CEP104: variants seen among roughly 807,000 people sequenced by gnomAD.
CEP104 encodes the protein centrosomal protein 104, also known as centrosomal protein of 104 kDa.
A neutral mutation model predicts 113.3 loss-of-function variants in CEP104; 84 were observed. That is an observed-to-expected ratio of 0.74 (90% CI 0.62 to 0.89). The LOEUF is 0.89. CEP104 is among the 40% of genes least tolerant of loss of function. The pLI is 0.00. For missense variants in CEP104, 1,053 were observed against 1,156.6 expected (o/e 0.91, Z 1.30); for synonymous variants, 378 against 421.7 (o/e 0.90, Z 1.27).
intron 9 of CEP104, 89 bp downstream of exon 9, chr1:3,837,203 C>G: frequency 9.2e-7 from 1 of 1,086,954 alleles, no homozygotes; most frequent in South Asian, 1.5e-5. Context: ...ACTCATGCAC[C>G]CCATGCATGG....
intron 20 of CEP104, among the ~76,000 whole-genome samples, chr1:3,820,429 G>A (rs965268397): frequency 1.3e-5 from 2 of 152,260 alleles, no homozygotes; most frequent in African/African-American, 2.4e-5. Flanking sequence ...GGGTAGAAAA[G>A]GGGCAGGATG....
intron 12 of CEP104, 122 bp from the exon 13 acceptor site, chr1:3,831,344 G>C (rs1178329835): frequency 1.3e-6 from 1 of 788,214 alleles, no homozygotes; most frequent in Non-Finnish European, 2.1e-6. Context: ...GATTGATAGT[G>C]ACAAGGAGCA....
intron 6 of CEP104, chr1:3,843,143 C>T: frequency 1.5e-6 from 1 of 661,792 alleles, no homozygotes; most frequent in South Asian, 1.6e-5. Context: ...GGCAGCCCTT[C>T]CCTTCTTTCC....
intron 12 of CEP104, among the ~76,000 whole-genome samples, chr1:3,832,913 C>T (rs1056484937): frequency 1.4e-4 from 21 of 151,868 alleles, no homozygotes; most frequent in Non-Finnish European, 2.2e-4. Context: ...ACTCCTGGGC[C>T]CAAATGATCT....
At chr1:3,821,361 CA>C in intron 20 of CEP104, among the ~76,000 whole-genome samples, 1 of 152,308 alleles carries the variant, frequency 6.6e-6, no homozygotes, top group East Asian at 1.9e-4. Context: ...ACACTACAGA[CA>C]AAACAAAACA....
intron 17 of CEP104, 111 bp from the exon 18 acceptor site, chr1:3,825,977 G>T: frequency 1.3e-6 from 1 of 768,204 alleles, no homozygotes; most frequent in Non-Finnish European, 2.2e-6. Context: ...TGTGATGTGT[G>T]CACTTTCCCT....
intron 9 of CEP104, 51 bp downstream of exon 9, chr1:3,837,241 T>A: frequency 6.8e-7 from 1 of 1,479,456 alleles, no homozygotes; most frequent in Admixed American, 1.8e-5. Context: ...ACACATGTCC[T>A]TTACAAATAC....
Position 3,829,365 on chromosome 1 carries a change from T to C in CEP104, c.2052A>G (p.Arg684=), listed in dbSNP as rs557247562. ...TTTCTGCTTCTTCTGTAGCCGCTTT[T>C]CTCCGTGCCTGGTAAGAAAATTATT... is the stretch of plus-strand genomic sequence containing the variant. ...RATDAEMRAR[R]KAATEEAEKQ... is the part of the protein sequence containing the mutation. Residue 684 remains arginine (R), a synonymous_variant, in exon 15 of 22, where the codon AGA becomes AGG. Coordinates refer to ENST00000378230, the MANE Select transcript of CEP104 (RefSeq NM_014704.4). The C allele has an allele frequency of 6.2e-7, 1 of 1,609,070 alleles. No homozygotes were observed. The highest frequency in any genetic ancestry group is 1.3e-5 in the African/African-American group (1 of 74,720).
chr1:3,831,987 T>C (rs527353106), intron 12 of CEP104, among the ~76,000 whole-genome samples: 1 of 152,330 alleles, frequency 6.6e-6, no homozygotes, highest in Admixed American at 6.5e-5. Context: ...ACAGATGCTG[T>C]TGAGTGTGTA....
intron 18 of CEP104, among the ~76,000 whole-genome samples, chr1:3,825,057 G>A (rs188062987): frequency 0.029 from 1,169 of 40,878 alleles, 40 homozygotes; most frequent in East Asian, 0.1. Flanking sequence ...GTGGGAAGGG[G>A]GCAGTGGCAC....
Position 3,823,563 on chromosome 1 carries a change from C to G in CEP104, c.2365-1G>C. The G allele has an allele frequency of 6.2e-7, 1 of 1,614,232 alleles. No homozygotes were observed. Among genetic ancestry groups the G allele is most frequent in the Non-Finnish European group, 8.5e-7 (1 of 1,180,050 alleles). On this transcript the variant is annotated splice_acceptor_variant, in intron 18 of 21. Coordinates refer to ENST00000378230, the MANE Select transcript of CEP104 (RefSeq NM_014704.4). LOFTEE classifies it high-confidence loss of function. The surrounding 1 kb of genome is among the most constrained non-coding windows in gnomAD (Gnocchi z 4.1). The stretch of plus-strand genomic sequence containing the variant: ...CCGTCAGACTGGATATCTCGACCAC[C>G]TGGATTTCGAAATACAGAGCAAAGC...
At position 3,817,872 on chromosome 1, in the gene CEP104, G is replaced by T. The variant is rs536018851; in HGVS notation, c.2572-1502C>A. 3.9e-5 allele frequency among the ~76,000 whole-genome samples: 6 copies of T among 152,348 alleles called. No individual in the cohort carries two copies. The South Asian group carries it at 1.0e-3, about 26-fold the overall frequency. ...CTTGCTGTTGCCCTCTGCTGCTGTC[G>T]CGAGAACGCCGTGCCCAGGCTGGCG... On this transcript the variant is annotated intron_variant, in intron 20 of 21. Coordinates refer to ENST00000378230, the MANE Select transcript of CEP104 (RefSeq NM_014704.4).
intron 13 of CEP104, 83 bp from the exon 14 acceptor site, chr1:3,830,080 A>C (rs1423311531): frequency 5.1e-6 from 5 of 986,270 alleles, no homozygotes; most frequent in Non-Finnish European, 7.8e-6. Context: ...CATTATAAAC[A>C]TGTGAAAAAT....
intron 1 of CEP104, chr1:3,855,961 AC>A (rs1644717365): frequency 1.0e-6 from 1 of 984,998 alleles, no homozygotes; most frequent in South Asian, 4.7e-5. Context: ...GGCAGCGATG[AC>A]TCCATGGCGG....
intron 1 of CEP104, chr1:3,855,878 G>A: frequency 9.1e-6 from 9 of 983,804 alleles, no homozygotes; most frequent in Non-Finnish European, 9.7e-6. Context: ...CCTCACCAGA[G>A]GCATGAGGGA....
chr1:3,842,822 C>T (rs760120845), intron 6 of CEP104, among the ~76,000 whole-genome samples: 10 of 152,196 alleles, frequency 6.6e-5, no homozygotes, highest in Non-Finnish European at 1.2e-4. Flanking sequence ...GAGTCTTGCT[C>T]TGTCCCCCAG....
At chr1:3,844,335 C>T (rs889454183) in intron 6 of CEP104, among the ~76,000 whole-genome samples, 7 of 152,072 alleles carry the variant, frequency 4.6e-5, no homozygotes, top group Non-Finnish European at 8.8e-5. Context: ...TGGCTGGGCA[C>T]GGTGGCTCAC....
chr1:3,832,386 C>T (rs76960463), intron 12 of CEP104, among the ~76,000 whole-genome samples: 26 of 119,662 alleles, frequency 2.2e-4, no homozygotes, highest in Non-Finnish European at 3.5e-4. Context: ...AGGAGTGTAG[C>T]GTAGGTCGTG....
chr1:3,844,784 T>G, intron 6 of CEP104, 123 bp downstream of exon 6: 1 of 650,706 alleles, frequency 1.5e-6, no homozygotes, highest in East Asian at 2.7e-5. Context: ...ATCCAATCAG[T>G]GGCTTATCCA....
Sources: allele counts gnomAD v4.1 joint callset (sites outside exome capture counted in the v4.1 genomes callset), GRCh38; gene constraint gnomAD v4.1.1; non-coding constraint Gnocchi (gnomAD v3.1); transcripts MANE v1.5; gene names NCBI Gene and HGNC (gene_info 2026-07-23, HGNC 2026-07-21).